Variants in NBEA observed in about 807,000 individuals in gnomAD.
NBEA encodes the protein lysosomal-trafficking regulator 2.
A neutral mutation model predicts 343.4 loss-of-function variants in NBEA; 44 were observed. The observed-to-expected ratio is 0.13, with a 90% confidence interval of 0.10 to 0.16. The LOEUF (loss-of-function observed/expected upper bound fraction) is 0.16. Among genes scored for constraint, NBEA ranks in the 10% least tolerant of loss-of-function variants. NBEA has a pLI of 1.00. For missense variants in NBEA, 2,555 were observed against 3,631.3 expected (o/e 0.70, Z 7.62); for synonymous variants, 1,175 against 1,238.7 (o/e 0.95, Z 1.08).
chr13:35,186,843 A>G (rs1022795523), intron 30 of NBEA, among the ~76,000 whole-genome samples: 3 of 152,062 alleles, frequency 2.0e-5, no homozygotes, highest in Non-Finnish European at 4.4e-5. Flanking sequence ...TCACCAGTTC[A>G]CTTTCGGTGA....
chr13:35,334,316 C>T (rs1286569848), intron 36 of NBEA, among the ~76,000 whole-genome samples: 1 of 152,154 alleles, frequency 6.6e-6, no homozygotes, highest in Admixed American at 6.5e-5. Context: ...GTCACCCAGG[C>T]TGGAGTGCAA....
chr13:35,508,792 C>T (rs1026225888), intron 41 of NBEA, among the ~76,000 whole-genome samples: 2 of 152,068 alleles, frequency 1.3e-5, no homozygotes, highest in African/African-American at 4.8e-5. Flanking sequence ...GAGTGGAGGT[C>T]TCAGCTGCAG....
intron 4 of NBEA, among the ~76,000 whole-genome samples, chr13:35,048,190 A>G (rs1251646286): frequency 1.3e-5 from 2 of 151,968 alleles, no homozygotes; most frequent in Non-Finnish European, 2.9e-5. Context: ...TCCTTTAACC[A>G]AATGGGTTAC....
At chr13:35,063,100 G>T (rs2152569879) in intron 8 of NBEA, among the ~76,000 whole-genome samples, 1 of 152,040 alleles carries the variant, frequency 6.6e-6, no homozygotes, top group East Asian at 1.9e-4. Flanking sequence ...GGTAACAAAA[G>T]CTCAGTTGAA....
intron 33 of NBEA, among the ~76,000 whole-genome samples, chr13:35,228,163 C>T (rs1265378941): frequency 6.6e-6 from 1 of 151,886 alleles, no homozygotes; most frequent in African/African-American, 2.4e-5. Flanking sequence ...CAGGTAAAAG[C>T]CAATACATGA....
chr13:35,081,641 G>C (rs1483876268), intron 10 of NBEA, among the ~76,000 whole-genome samples: 1 of 151,684 alleles, frequency 6.6e-6, no homozygotes, highest in Admixed American at 6.6e-5. Flanking sequence ...ATGTTTGTTT[G>C]CATAACTTTT....
intron 25 of NBEA, 115 bp downstream of exon 25, chr13:35,169,110 G>A: frequency 1.4e-6 from 1 of 701,840 alleles, no homozygotes; most frequent in Non-Finnish European, 2.2e-6. Flanking sequence ...TTTAACATGA[G>A]ACATATCTTT....
At chr13:35,582,992 C>G (rs1566361144) in intron 45 of NBEA, among the ~76,000 whole-genome samples, 1 of 152,136 alleles carries the variant, frequency 6.6e-6, no homozygotes, top group Non-Finnish European at 1.5e-5. Flanking sequence ...GTACTTAGTA[C>G]TCTTGTTTTC....
At chr13:35,020,930 C>A (rs1258192094) in intron 1 of NBEA, among the ~76,000 whole-genome samples, 1 of 152,066 alleles carries the variant, frequency 6.6e-6, no homozygotes, top group Non-Finnish European at 1.5e-5. Context: ...TTGTCTATTT[C>A]TCTTTCATTT....
chr13:35,162,425 G>T (rs1452809217), intron 23 of NBEA, among the ~76,000 whole-genome samples: 1 of 152,044 alleles, frequency 6.6e-6, no homozygotes, highest in African/African-American at 2.4e-5. Context: ...AGAAATGTTG[G>T]CTTCCATGCT....
At chr13:35,077,051 C>T (rs186852362) in intron 10 of NBEA, among the ~76,000 whole-genome samples, 256 of 151,964 alleles carry the variant, frequency 1.7e-3, no homozygotes, top group African/African-American at 6.1e-3. Context: ...GTGTTTAAAC[C>T]CTCTTCTTTT....
chr13:35,206,137 G>A (rs2073378559), intron 31 of NBEA, among the ~76,000 whole-genome samples: 1 of 151,964 alleles, frequency 6.6e-6, no homozygotes, highest in South Asian at 2.1e-4. Context: ...TTACTTATAA[G>A]TCATAATTAT....
intron 10 of NBEA, among the ~76,000 whole-genome samples, chr13:35,077,641 A>G (rs1300763882): frequency 6.6e-6 from 1 of 152,124 alleles, no homozygotes; most frequent in Non-Finnish European, 1.5e-5. Flanking sequence ...GCTAGTATAT[A>G]TCCAGTAATT....
In NBEA at chr13:35,094,118, C is replaced by T. The variant is rs142336852; in HGVS notation, c.1572-4179C>T. 1.3e-3 allele frequency among the ~76,000 whole-genome samples: 203 copies of T among 151,906 alleles called. 1 individual carries two copies. Among genetic ancestry groups the T allele is most frequent in the African/African-American group, 4.4e-3 (184 of 41,468 alleles). ...AACTATATTTGTCAAAAATAAAATA[C>T]GCTATACAACATAAAATTAAAAATC... is the stretch of plus-strand genomic sequence containing the variant. On this transcript the variant is annotated intron_variant, in intron 10 of 58. Transcript: ENST00000379939.
At chr13:35,409,472 A>G (rs976362835) in intron 38 of NBEA, among the ~76,000 whole-genome samples, 2 of 152,138 alleles carry the variant, frequency 1.3e-5, no homozygotes, top group African/African-American at 4.8e-5. Flanking sequence ...ACAAACCTGC[A>G]CAAGTACCCC....
At chr13:34,990,974 C>T (rs935041481) in intron 1 of NBEA, among the ~76,000 whole-genome samples, 4 of 152,202 alleles carry the variant, frequency 2.6e-5, no homozygotes, top group African/African-American at 9.6e-5. Context: ...TGCAGAATGC[C>T]TTCAGCCTCT....
intron 41 of NBEA, among the ~76,000 whole-genome samples, chr13:35,504,171 C>A (rs1055025434): frequency 1.3e-5 from 2 of 152,062 alleles, no homozygotes; most frequent in Non-Finnish European, 2.9e-5. Context: ...GATTTTAAAA[C>A]CAGAATGTGG....
intron 36 of NBEA, among the ~76,000 whole-genome samples, chr13:35,330,508 A>G (rs1160612690): frequency 1.3e-5 from 2 of 151,474 alleles, no homozygotes; most frequent in Non-Finnish European, 2.9e-5. Flanking sequence ...GTGTTAATTC[A>G]CTCTCATCAC....
chr13:35,006,006 TG>T (rs1209778210), intron 1 of NBEA, among the ~76,000 whole-genome samples: 2 of 152,186 alleles, frequency 1.3e-5, no homozygotes. Flanking sequence ...ATAAGCTGCA[TG>T]TGGTTGATCT....
Sources: gnomAD v4.1 joint callset for allele counts (sites outside exome capture counted in the v4.1 genomes callset) on GRCh38, gnomAD v4.1.1 for gene constraint, MANE v1.5 for transcripts, NCBI Gene and HGNC (gene_info 2026-07-23, HGNC 2026-07-21) for gene names.